TMEM200A: variants seen among roughly 807,000 people sequenced by gnomAD.
TMEM200A encodes the protein transmembrane protein 200A.
TMEM200A carries 12 observed loss-of-function variants against 24.3 expected under a neutral mutation model. The ratio of observed to expected loss-of-function variants is 0.49; its 90% confidence interval spans 0.32 to 0.80. TMEM200A has a LOEUF of 0.80. Among genes scored for constraint, TMEM200A ranks in the 30% least tolerant of loss-of-function variants. The pLI is 0.04. For synonymous variants in TMEM200A, 224 were observed against 224.4 expected, an observed-to-expected ratio of 1.00 and a Z score of 0.02; for missense variants, 545 against 614.4, an observed-to-expected ratio of 0.89 and a Z score of 1.19.
At chr6:130,369,812 T>C (rs1778274909) in intron 1 of TMEM200A, among the ~76,000 whole-genome samples, 1 of 152,216 alleles carries the variant, frequency 6.6e-6, no homozygotes, top group African/African-American at 2.4e-5. Flanking sequence ...AGGTGTAAGA[T>C]GAGTGTCTGT....
At chr6:130,371,756 A>G (rs1436400499) in intron 1 of TMEM200A, among the ~76,000 whole-genome samples, 1 of 152,340 alleles carries the variant, frequency 6.6e-6, no homozygotes, top group East Asian at 1.9e-4. Flanking sequence ...AGTTGAACAG[A>G]TGGGCAGATC....
chr6:130,399,451 C>A (rs1053922167), intron 2 of TMEM200A, among the ~76,000 whole-genome samples: 4 of 151,884 alleles, frequency 2.6e-5, no homozygotes, highest in Non-Finnish European at 4.4e-5. Context: ...ATTCTTTATT[C>A]ATGGCGTTTT....
chr6:130,389,417 A>C (rs117656954), intron 2 of TMEM200A, among the ~76,000 whole-genome samples: 52 of 152,154 alleles, frequency 3.4e-4, no homozygotes, highest in Non-Finnish European at 6.5e-4. Context: ...TCACAACTCT[A>C]TATCCTACGT....
At chr6:130,420,393 A>G (rs1485830961) in intron 2 of TMEM200A, among the ~76,000 whole-genome samples, 3 of 152,122 alleles carry the variant, frequency 2.0e-5, no homozygotes, top group Non-Finnish European at 4.4e-5. Context: ...ACTTGAGTTG[A>G]TTGACCCATT....
intron 2 of TMEM200A, among the ~76,000 whole-genome samples, chr6:130,397,744 C>T (rs1013233213): frequency 3.3e-5 from 5 of 151,478 alleles, no homozygotes; most frequent in Non-Finnish European, 7.4e-5. Context: ...TTTGTCTTTT[C>T]ACCAGGCTTT....
rs60156754 is a variant in TMEM200A, at chr6:130,421,510, T to TTGTGTGTGTGTGTG, written c.-16-18884_-16-18871dup. On this transcript the variant is annotated intron_variant, in intron 2 of 2. Transcript: ENST00000296978. The stretch of plus-strand genomic sequence containing the variant: ...CACATCCATTCCTTCACAGTTACCT[T>TTGTGTGTGTGTGTG]TGTGTGTGTGTGTGTGTGTGTGTGT... Among the ~76,000 whole-genome samples, 274 of 149,028 alleles carry TTGTGTGTGTGTGTG rather than the reference T, an allele frequency of 1.8e-3. 2 individuals are homozygous for TTGTGTGTGTGTGTG. The highest frequency in any genetic ancestry group is 4.7e-3 in the South Asian group (22 of 4,686).
At chr6:130,436,716 AACTC>A (rs1202106802) in intron 2 of TMEM200A, among the ~76,000 whole-genome samples, 1 of 140,368 alleles carries the variant, frequency 7.1e-6, no homozygotes, top group East Asian at 2.2e-4. Context: ...GCATGATCAT[AACTC>A]ACTGCAGCCT....
At chr6:130,407,432 T>C (rs929582172) in intron 2 of TMEM200A, among the ~76,000 whole-genome samples, 3 of 152,238 alleles carry the variant, frequency 2.0e-5, no homozygotes, top group African/African-American at 7.2e-5. Context: ...GGGAGGTATA[T>C]TTTGTCTGCA....
At position 130,366,080 on chromosome 6, in the gene TMEM200A, C is replaced by A. The variant is rs1009021524; in HGVS notation, c.-525C>A. On this transcript the variant is annotated 5_prime_UTR_variant, in exon 1 of 3. Coordinates refer to ENST00000296978, the MANE Select transcript of TMEM200A (RefSeq NM_001258277.2). This position sits in a 1 kb window ranked among gnomAD's most constrained non-coding sequence, Gnocchi z 4.4. The stretch of plus-strand genomic sequence containing the variant: ...CGGTCCCTTTTGTCTTTCTTGGACG[C>A]GGTGGCGGCGCCGCCTGAGCGGCGA... The A allele has an allele frequency of 8.1e-6, 8 of 985,690 alleles. No homozygotes were observed. The East Asian group carries it at 9.1e-4, about 112-fold the overall frequency. 61.1% of individuals were successfully genotyped at this position (985,690 alleles called of 1,614,324 possible). A position where few individuals can be genotyped will look rare whatever the true frequency, so the allele number is the denominator to read the frequency against.
intron 2 of TMEM200A, among the ~76,000 whole-genome samples, chr6:130,403,333 C>T (rs1779129535): frequency 3.3e-5 from 5 of 152,060 alleles, no homozygotes. Context: ...TAGAAGATAG[C>T]ACTTTCATAC....
intron 2 of TMEM200A, among the ~76,000 whole-genome samples, chr6:130,391,811 C>T (rs1426619265): frequency 7.3e-6 from 1 of 137,690 alleles, no homozygotes; most frequent in African/African-American, 2.7e-5. Flanking sequence ...GGCACGATCT[C>T]GGCTCACTGC....
In TMEM200A at chr6:130,441,317, G is replaced by A; in HGVS notation, c.895G>A (p.Val299Ile). 6.2e-7 allele frequency: 1 copy of A among 1,614,088 alleles called. No homozygotes were observed. The highest frequency in any genetic ancestry group is 1.7e-5 in the Admixed American group (1 of 60,020). ...TLPVIKLNNC[V>I]IDEPSIDNIT... ...GCCTGTGATCAAACTTAATAACTGT[G>A]TTATTGATGAGCCCAGTATAGATAA... The change falls in exon 3 of 3, where the codon GTT (valine) becomes ATT (isoleucine). Residue 299 changes from valine (V) to isoleucine (I), a missense_variant. Transcript: ENST00000296978.
chr6:130,393,748 T>C (rs1262226277), intron 2 of TMEM200A, among the ~76,000 whole-genome samples: 2 of 152,220 alleles, frequency 1.3e-5, no homozygotes, highest in African/African-American at 2.4e-5. Context: ...CTCAGCACTG[T>C]AGAGATGACC....
chr6:130,375,598 G>T (rs1355557635), intron 1 of TMEM200A, among the ~76,000 whole-genome samples: 1 of 152,184 alleles, frequency 6.6e-6, no homozygotes, highest in African/African-American at 2.4e-5. Context: ...CATAGAGAGT[G>T]CATGCGCTCA....
intron 2 of TMEM200A, among the ~76,000 whole-genome samples, chr6:130,402,321 C>T (rs983330521): frequency 2.0e-5 from 3 of 151,944 alleles, no homozygotes; most frequent in African/African-American, 2.4e-5. Flanking sequence ...GGAGAGACAA[C>T]GCTGTTCATG....
chr6:130,382,947 G>T, intron 1 of TMEM200A: 1 of 829,456 alleles, frequency 1.2e-6, no homozygotes, highest in Non-Finnish European at 1.5e-6. Context: ...GTTCCTCGAG[G>T]CACCTGCTTT....
At chr6:130,421,935 C>T (rs528035985) in intron 2 of TMEM200A, among the ~76,000 whole-genome samples, 2 of 152,086 alleles carry the variant, frequency 1.3e-5, no homozygotes, top group Non-Finnish European at 2.9e-5. Context: ...ACATGTTTAT[C>T]ACATTTTCTT....
intron 2 of TMEM200A, among the ~76,000 whole-genome samples, chr6:130,391,603 T>C (rs2115109948): frequency 6.6e-6 from 1 of 152,304 alleles, no homozygotes; most frequent in African/African-American, 2.4e-5. Context: ...GCTTAGAACC[T>C]ACCTGTTAGC....
At chr6:130,425,691 A>G (rs1779717850) in intron 2 of TMEM200A, among the ~76,000 whole-genome samples, 1 of 152,210 alleles carries the variant, frequency 6.6e-6, no homozygotes, top group South Asian at 2.1e-4. Flanking sequence ...AGCCACTTAC[A>G]TACCAATTAC....
Sources: gnomAD v4.1 joint callset for allele counts (sites outside exome capture counted in the v4.1 genomes callset) on GRCh38, gnomAD v4.1.1 for gene constraint, Gnocchi (gnomAD v3.1) non-coding constraint, MANE v1.5 for transcripts, NCBI Gene and HGNC (gene_info 2026-07-23, HGNC 2026-07-21) for gene names.